Variants in ALDH3A2 observed in about 807,000 individuals in gnomAD.
ALDH3A2 encodes aldehyde dehydrogenase family 3 member A2.
A neutral mutation model predicts 51.3 loss-of-function variants in ALDH3A2; 36 were observed. The ratio of observed to expected loss-of-function variants is 0.70; its 90% CI spans 0.54 to 0.93. The LOEUF (loss-of-function observed/expected upper bound fraction) is 0.93, where lower values mean the gene tolerates loss of function less well. Among genes scored for constraint, ALDH3A2 ranks in the 40% least tolerant of loss-of-function variants. The pLI, the probability that ALDH3A2 is intolerant of heterozygous loss-of-function variation, is 0.00. For synonymous variants in ALDH3A2, 199 were observed against 219.8 expected (o/e 0.91, Z 0.84); for missense variants, 552 against 603.1 (o/e 0.92, Z 0.89).
At chr17:19,668,814 C>T (rs1247449192) in intron 8 of ALDH3A2, among the ~76,000 whole-genome samples, 1 of 131,560 alleles carries the variant, frequency 7.6e-6, no homozygotes, top group Non-Finnish European at 1.6e-5. Flanking sequence ...TCACTTGAAC[C>T]CTGGAGGCGG....
rs1225128971 is a variant in ALDH3A2, at chr17:19,675,629, G to A, written c.*57G>A. 1 of 1,532,848 alleles carries A rather than the reference G, an allele frequency of 6.5e-7. No homozygotes were observed. The highest frequency in any genetic ancestry group is 9.0e-7 in the Non-Finnish European group (1 of 1,106,314). 95.0% of individuals were successfully genotyped at this position (1,532,848 alleles called of 1,614,324 possible). On this transcript the variant is annotated 3_prime_UTR_variant, in exon 10 of 10. Coordinates refer to ENST00000176643, the MANE Select transcript of ALDH3A2 (RefSeq NM_000382.3). ...TACTGAATTATTCCTCTTTTAAATGGTTAATGAACCAATAATTTTTAAATC... is the reference window on the plus strand; with the variant it reads ...TACTGAATTATTCCTCTTTTAAATGATTAATGAACCAATAATTTTTAAATC...
chr17:19,666,517 C>G (rs1226929739), intron 8 of ALDH3A2, among the ~76,000 whole-genome samples: 3 of 152,166 alleles, frequency 2.0e-5, no homozygotes, highest in African/African-American at 4.8e-5. Flanking sequence ...TGGCTCATGC[C>G]TGTAATCCCA....
At chr17:19,675,418 GT>G in intron 9 of ALDH3A2, 139 bp from the exon 10 acceptor site, 2 of 865,934 alleles carry the variant, frequency 2.3e-6, no homozygotes, top group African/African-American at 3.3e-5. Flanking sequence ...GGGATATGTA[GT>G]CCTTTTTTGT....
rs2084869069 is a variant in ALDH3A2, at chr17:19,654,617, G to A, written c.472-1749G>A. ...GCCGGCCAGCTGCTCCGAGTGTGGG[G>A]CCCATTGAGCCTGCGCCCACCCAGA... On this transcript the variant is annotated intron_variant, in intron 3 of 9. Coordinates refer to ENST00000176643, the MANE Select transcript of ALDH3A2 (RefSeq NM_000382.3). The surrounding 1 kb of genome is among the most constrained non-coding windows in gnomAD (Gnocchi z 4.5). 6.6e-6 allele frequency among the ~76,000 whole-genome samples: 1 copy of A among 152,080 alleles called. No homozygotes were observed. The highest frequency in any genetic ancestry group is 6.5e-5 in the Admixed American group (1 of 15,280).
chr17:19,665,058 T>A lies in ALDH3A2; in HGVS notation c.1207+11T>A. On this transcript the variant is annotated intron_variant, in intron 8 of 9. Coordinates refer to ENST00000176643, the MANE Select transcript of ALDH3A2 (RefSeq NM_000382.3). The stretch of plus-strand genomic sequence containing the variant: ...CATTTGGAGGAGTGGGTGAGTCTTA[T>A]TTTCTCCTGCTTGTAGTAGATATTT... The A allele has an allele frequency of 6.2e-7, 1 of 1,604,936 alleles. No homozygotes were observed. The highest frequency in any genetic ancestry group is 1.1e-5 in the South Asian group (1 of 90,900).
chr17:19,649,618 T>C (rs1567595926), intron 1 of ALDH3A2: 1 of 152,984 alleles, frequency 6.5e-6, no homozygotes, highest in Non-Finnish European at 1.5e-5. Context: ...TTTAGCTTTG[T>C]TTATGGTTTC....
rs1252436823 is a variant in ALDH3A2 at position 19,654,541 on chromosome 17, C to T, written c.472-1825C>T. On this transcript the variant is annotated intron_variant, in intron 3 of 9. Coordinates refer to ENST00000176643, the MANE Select transcript of ALDH3A2 (RefSeq NM_000382.3). The surrounding 1 kb of genome is among the most constrained non-coding windows in gnomAD (Gnocchi z 4.5). Reference sequence around the variant, plus strand: ...ATTGCTGGGGGACCCGGGGCACCCTCCTCAGCAGCTGGCCCAGGTGCTAAG... The same window carrying T: ...ATTGCTGGGGGACCCGGGGCACCCTTCTCAGCAGCTGGCCCAGGTGCTAAG... Among the ~76,000 whole-genome samples the T allele has an allele frequency of 6.6e-6, 1 of 152,178 alleles. No individual in the cohort carries two copies. The highest frequency in any genetic ancestry group is 1.5e-5 in the Non-Finnish European group (1 of 67,998).
rs770427442 is a variant in ALDH3A2, at chr17:19,648,981, G to A, written c.10G>A (p.Glu4Lys). The change falls in exon 1 of 10, where the codon GAA becomes AAA. Residue 4 changes from glutamate to lysine, a missense_variant. Glu to Lys is a moderately conservative substitution (Grantham distance 56). Coordinates refer to ENST00000176643, the MANE Select transcript of ALDH3A2 (RefSeq NM_000382.3). MEL[E>K]VRRVRQAFLS... ...TCTGCAGGACCAGGCCATGGAGCTC[G>A]AAGTCCGGCGGGTCCGACAGGCGTT... 7 of 1,588,782 alleles carry A rather than the reference G, an allele frequency of 4.4e-6. No individual in the cohort carries two copies. In the Admixed American group the frequency reaches 7.1e-5, roughly 16 times the overall value.
At chr17:19,663,682 G>A (rs2152330781) in intron 7 of ALDH3A2, among the ~76,000 whole-genome samples, 183 bp downstream of exon 7, 1 of 152,288 alleles carries the variant, frequency 6.6e-6, no homozygotes, top group South Asian at 2.1e-4. Context: ...GAGACTCTGG[G>A]GTTATCACAG....
intron 6 of ALDH3A2, 105 bp from the exon 7 acceptor site, chr17:19,663,228 G>T: frequency 7.6e-7 from 1 of 1,309,092 alleles, no homozygotes. Context: ...TGACTTGGGT[G>T]GGAGAGGGAA....
At chr17:19,661,303 G>T (rs760843862) in intron 6 of ALDH3A2, 35 bp downstream of exon 6, 2 of 1,613,866 alleles carry the variant, frequency 1.2e-6, no homozygotes, top group Non-Finnish European at 1.7e-6. Context: ...TGGGAAGATG[G>T]CAATTTGGCA....
rs779945294 is a variant in ALDH3A2, at chr17:19,661,260, G to A, written c.932G>A (p.Arg311His). ...GGTGGGGAGACTGATGAGGCCACAC[G>A]CTACATAGGTAATGGAAATTCTCCT... ...AFGGETDEAT[R>H]YIAPTVLTDV... is the part of the protein sequence containing the mutation. Residue 311 changes from arginine (R) to histidine (H), a missense_variant, in exon 6 of 10, where the codon CGC (arginine) becomes CAC (histidine). Physicochemically the swap from Arg to His is conservative, Grantham distance 29. Transcript: ENST00000176643. 6 of 1,614,106 alleles carry A rather than the reference G, an allele frequency of 3.7e-6. No homozygotes were observed. The highest frequency in any genetic ancestry group is 1.7e-5 in the Admixed American group (1 of 60,018).
rs996835923 is a variant in ALDH3A2, at chr17:19,648,757, C to T, written c.-215C>T. On this transcript the variant is annotated 5_prime_UTR_variant, in exon 1 of 10. Transcript: ENST00000176643. The stretch of plus-strand genomic sequence containing the variant: ...GAGGCTTTGGGTCGAGCTCAGTCCT[C>T]CCCCGGCGCCTCCGACTGGCAGTGG... 12 of 642,002 alleles carry T rather than the reference C, an allele frequency of 1.9e-5. No homozygotes were observed. The highest frequency in any genetic ancestry group is 2.4e-5 in the Non-Finnish European group (9 of 372,498). 39.8% of individuals were successfully genotyped at this position (642,002 alleles called of 1,614,324 possible).
rs911674438 is a variant in ALDH3A2 at position 19,654,265 on chromosome 17, G to A, written c.471+1633G>A. Among the ~76,000 whole-genome samples, 5 of 152,390 alleles carry A rather than the reference G, an allele frequency of 3.3e-5. No individual in the cohort carries two copies. The highest frequency in any genetic ancestry group is 4.8e-5 in the African/African-American group (2 of 41,606). On this transcript the variant is annotated intron_variant, in intron 3 of 9. Coordinates refer to ENST00000176643, the MANE Select transcript of ALDH3A2 (RefSeq NM_000382.3). This position sits in a 1 kb window ranked among gnomAD's most constrained non-coding sequence, Gnocchi z 4.5. ...GCTGGCTTTGCCTAGTGGATCCCAC[G>A]CCGGGGCTGTGGGTGGAGCTGCCCA...
chr17:19,664,408 A>G (rs1368567848), intron 7 of ALDH3A2, among the ~76,000 whole-genome samples: 1 of 152,198 alleles, frequency 6.6e-6, no homozygotes, highest in Non-Finnish European at 1.5e-5. Flanking sequence ...CCAAGGGTAA[A>G]TGACGTTTAC....
chr17:19,653,520 G>A (rs2084847796), intron 3 of ALDH3A2, among the ~76,000 whole-genome samples: 1 of 152,186 alleles, frequency 6.6e-6, no homozygotes, highest in South Asian at 2.1e-4. Context: ...CTTCAGGAGT[G>A]AAGCTGCAGA....
At chr17:19,658,128 TTAAA>T (rs1411685561) in intron 5 of ALDH3A2, among the ~76,000 whole-genome samples, 8 of 152,166 alleles carry the variant, frequency 5.3e-5, no homozygotes, top group Non-Finnish European at 2.9e-5. Flanking sequence ...TTTAAAAAAG[TTAAA>T]TAATCGTGTG....
chr17:19,664,783 T>G (rs2085012558), intron 7 of ALDH3A2, among the ~76,000 whole-genome samples, 165 bp from the exon 8 acceptor site: 1 of 152,182 alleles, frequency 6.6e-6, no homozygotes, highest in African/African-American at 2.4e-5. Context: ...AGATTGTTTG[T>G]CTATCTGGCA....
At position 19,677,096 on chromosome 17, in the gene ALDH3A2, A is replaced by AT. The variant is rs2085201815; in HGVS notation, c.*1525dup. On this transcript the variant is annotated 3_prime_UTR_variant, in exon 10 of 10. Coordinates refer to ENST00000176643, the MANE Select transcript of ALDH3A2 (RefSeq NM_000382.3). ...CAAGGCTGAAGAAGAGGCCTGTGGAATGCAGCATTACCTGCTGGACAGAGC... is the reference window on the plus strand; with the variant it reads ...CAAGGCTGAAGAAGAGGCCTGTGGAATTGCAGCATTACCTGCTGGACAGAGC... The AT allele has an allele frequency of 6.6e-6, 1 of 152,292 alleles. No individual in the cohort carries two copies. The highest frequency in any genetic ancestry group is 2.1e-4 in the South Asian group (1 of 4,832). 9.4% of individuals were successfully genotyped at this position (152,292 alleles called of 1,614,324 possible).
Sources: allele counts gnomAD v4.1 joint callset (sites outside exome capture counted in the v4.1 genomes callset), GRCh38; gene constraint gnomAD v4.1.1; non-coding constraint Gnocchi (gnomAD v3.1); transcripts MANE v1.5; gene names NCBI Gene and HGNC (gene_info 2026-07-23, HGNC 2026-07-21).